TMEM229B: variants seen among roughly 807,000 people sequenced by gnomAD.
The protein encoded by TMEM229B is chromosome 14 open reading frame 83.
Under a neutral mutation model 13.7 loss-of-function variants are expected in TMEM229B, and 6 were observed. That is an observed-to-expected ratio of 0.44 (90% CI 0.24 to 0.86). The LOEUF (loss-of-function observed/expected upper bound fraction) is 0.86. Ranked by LOEUF, TMEM229B falls within the 40% of genes least tolerant of loss-of-function variation. The pLI is 0.23. For synonymous variants in TMEM229B, 107 were observed against 102.1 expected (o/e 1.05, Z -0.29); for missense variants, 170 against 236.0 (o/e 0.72, Z 1.83).
At chr14:67,482,954 T>C (rs2031672074) in intron 2 of TMEM229B, among the ~76,000 whole-genome samples, 1 of 152,192 alleles carries the variant, frequency 6.6e-6, no homozygotes, top group Admixed American at 6.5e-5. Context: ...CAAAAAATTC[T>C]CAAGCCCATT....
At chr14:67,486,348 C>T (rs2031879065) in intron 2 of TMEM229B, among the ~76,000 whole-genome samples, 1 of 152,240 alleles carries the variant, frequency 6.6e-6, no homozygotes, top group Non-Finnish European at 1.5e-5. Context: ...GATCTTGGCT[C>T]ACTGCAACCT....
At chr14:67,478,943 C>T (rs1043878966) in intron 2 of TMEM229B, among the ~76,000 whole-genome samples, 4 of 152,214 alleles carry the variant, frequency 2.6e-5, no homozygotes, top group Non-Finnish European at 4.4e-5. Context: ...GAATATTCAA[C>T]CTAACTCCGA....
At chr14:67,507,553 A>T (rs2032871954) in intron 1 of TMEM229B, among the ~76,000 whole-genome samples, 1 of 151,764 alleles carries the variant, frequency 6.6e-6, no homozygotes, top group African/African-American at 2.4e-5. Flanking sequence ...GGCTTAAGTG[A>T]TCCTCCCACC....
intron 1 of TMEM229B, among the ~76,000 whole-genome samples, chr14:67,514,208 T>C (rs1335220049): frequency 6.6e-6 from 1 of 151,772 alleles, no homozygotes; most frequent in Non-Finnish European, 1.5e-5. Context: ...ATCTCCAAGC[T>C]CTGTACCTAA....
chr14:67,531,975 G>T lies in TMEM229B; in HGVS notation c.-192+1661C>A, dbSNP rs77783456. On this transcript the variant is annotated intron_variant, in intron 1 of 2. Coordinates refer to the TMEM229B transcript ENST00000554278. ...GTCTTCTTAGCAAAATCCAGAGAACGTGTTTTTGGGCTTCCTTATGCAACT... is the reference window on the plus strand; with the variant it reads ...GTCTTCTTAGCAAAATCCAGAGAACTTGTTTTTGGGCTTCCTTATGCAACT... 1.0e-3 allele frequency among the ~76,000 whole-genome samples: 153 copies of T among 151,328 alleles called. 1 individual carries two copies. The highest frequency in any genetic ancestry group is 3.4e-3 in the African/African-American group (140 of 41,204).
intron 1 of TMEM229B, among the ~76,000 whole-genome samples, chr14:67,498,110 C>T (rs538676589): frequency 1.3e-5 from 2 of 152,262 alleles, no homozygotes; most frequent in South Asian, 4.1e-4. Flanking sequence ...CTCTGTAAGA[C>T]CAAGAATGTA....
At chr14:67,474,392 A>G (rs1184900691) in intron 2 of TMEM229B, among the ~76,000 whole-genome samples, 1 of 152,188 alleles carries the variant, frequency 6.6e-6, no homozygotes, top group Non-Finnish European at 1.5e-5. Context: ...ATCTGTGGTC[A>G]GTTGAAGAGT....
chr14:67,481,524 G>T (rs1213057407), intron 2 of TMEM229B, among the ~76,000 whole-genome samples: 1 of 152,212 alleles, frequency 6.6e-6, no homozygotes, highest in Non-Finnish European at 1.5e-5. Context: ...GGGTTGAAGA[G>T]AAAGGAATAG....
chr14:67,512,357 T>C (rs1276973921), intron 1 of TMEM229B, among the ~76,000 whole-genome samples: 2 of 152,248 alleles, frequency 1.3e-5, no homozygotes, highest in African/African-American at 4.8e-5. Flanking sequence ...CAATAGAGGC[T>C]GAAATTCCTC....
At chr14:67,532,579 C>T (rs889960700) in intron 1 of TMEM229B, among the ~76,000 whole-genome samples, 1 of 152,128 alleles carries the variant, frequency 6.6e-6, no homozygotes, top group Non-Finnish European at 1.5e-5. Context: ...CTCCTGGGCC[C>T]TCCTTTAAAA....
intron 1 of TMEM229B, among the ~76,000 whole-genome samples, chr14:67,530,125 A>T (rs1193860539): frequency 6.6e-6 from 1 of 152,196 alleles, no homozygotes; most frequent in Non-Finnish European, 1.5e-5. Context: ...ATCCATTGCA[A>T]TCTTGTAAAC....
intron 1 of TMEM229B, among the ~76,000 whole-genome samples, chr14:67,501,373 AT>A (rs563376349): frequency 9.9e-4 from 151 of 152,158 alleles, no homozygotes; most frequent in African/African-American, 3.5e-3. Flanking sequence ...ATTTTTATTT[AT>A]TTATTTTTGA....
chr14:67,515,621 T>A (rs1436263987), upstream of TMEM229B: 3 of 152,192 alleles, frequency 2.0e-5, no homozygotes, highest in African/African-American at 7.3e-5. Flanking sequence ...GCACGCCCCC[T>A]GCCAGGGCCG....
intron 1 of TMEM229B, among the ~76,000 whole-genome samples, chr14:67,494,788 A>G (rs1406607101): frequency 1.3e-5 from 2 of 152,136 alleles, no homozygotes; most frequent in African/African-American, 4.8e-5. Flanking sequence ...TTTGACAAGA[A>G]CCAAGGCTAC....
At position 67,532,484 on chromosome 14, in the gene TMEM229B, C is replaced by G. The variant is rs8022205; in HGVS notation, c.-192+1152G>C. ...CCTCTGGGTATGAGATTGCTTTGGG[C>G]GATCTGAGATCTGCAAATGTCTGAG... On this transcript the variant is annotated intron_variant, in intron 1 of 2. Coordinates refer to the TMEM229B transcript ENST00000554278. 5.3e-3 allele frequency among the ~76,000 whole-genome samples: 810 copies of G among 152,194 alleles called. 1 individual carries two copies. Among genetic ancestry groups the G allele is most frequent in the African/African-American group, 0.018 (755 of 41,508 alleles).
chr14:67,516,643 G>A (rs2033206819), upstream of TMEM229B, among the ~76,000 whole-genome samples: 2 of 152,180 alleles, frequency 1.3e-5, no homozygotes, highest in Admixed American at 6.5e-5. Flanking sequence ...TGTCTGATGG[G>A]GCCGTAGGTC....
upstream of TMEM229B, among the ~76,000 whole-genome samples, chr14:67,489,806 T>C (rs565577307): frequency 5.6e-4 from 85 of 152,186 alleles, no homozygotes; most frequent in South Asian, 6.0e-3. Flanking sequence ...CTGGCTAACA[T>C]GGTGAAACCC....
At chr14:67,479,264 G>T (rs542388063) in intron 2 of TMEM229B, among the ~76,000 whole-genome samples, 1 of 151,928 alleles carries the variant, frequency 6.6e-6, no homozygotes, top group East Asian at 1.9e-4. Context: ...AAATTAGCTG[G>T]GCGTGGTGGC....
intron 1 of TMEM229B, chr14:67,533,322 C>G (rs1482401297): frequency 1.3e-5 from 2 of 151,632 alleles, no homozygotes; most frequent in African/African-American, 2.4e-5. Flanking sequence ...GAGAGCGACG[C>G]AAGGTCGGCT....
Sources: gnomAD v4.1 joint callset for allele counts (sites outside exome capture counted in the v4.1 genomes callset) on GRCh38, gnomAD v4.1.1 for gene constraint, MANE v1.5 for transcripts, NCBI Gene and HGNC (gene_info 2026-07-23, HGNC 2026-07-21) for gene names.